NIPA1: variants seen among roughly 807,000 people sequenced by gnomAD.
NIPA1 encodes the protein magnesium transporter NIPA1.
A neutral mutation model predicts 23.9 loss-of-function variants in NIPA1; 13 were observed. That is an observed-to-expected ratio of 0.54 (90% CI 0.35 to 0.87). The LOEUF (loss-of-function observed/expected upper bound fraction) is 0.87. Ranked by LOEUF, NIPA1 falls within the 40% of genes least tolerant of loss-of-function variation. NIPA1 has a pLI of 0.01. For synonymous variants in NIPA1, 234 were observed against 202.9 expected, an observed-to-expected ratio of 1.15 and a Z score of -1.30; for missense variants, 362 against 429.7, an observed-to-expected ratio of 0.84 and a Z score of 1.39.
chr15:22,790,846 A>C (rs1894810673), intron 1 of NIPA1, among the ~76,000 whole-genome samples: 1 of 152,122 alleles, frequency 6.6e-6, no homozygotes, highest in Admixed American at 6.5e-5. Flanking sequence ...AAATGACAGA[A>C]ATAGAGGATG....
At chr15:22,809,265 T>C (rs141780682) in intron 1 of NIPA1, among the ~76,000 whole-genome samples, 1 of 152,176 alleles carries the variant, frequency 6.6e-6, no homozygotes, top group East Asian at 1.9e-4. Context: ...TGCACGCCTG[T>C]AATCCCAGCT....
At chr15:22,810,877 G>A in intron 2 of NIPA1, 81 bp downstream of exon 2, 1 of 1,076,436 alleles carries the variant, frequency 9.3e-7, no homozygotes, top group Non-Finnish European at 1.5e-6. Flanking sequence ...GAGTGGCTGG[G>A]CTAGGGTGGC....
intron 1 of NIPA1, among the ~76,000 whole-genome samples, chr15:22,790,966 A>C (rs1224016111): frequency 6.6e-6 from 1 of 152,110 alleles, no homozygotes; most frequent in East Asian, 1.9e-4. Flanking sequence ...CTGAAATTTT[A>C]AGCTTTAAAA....
intron 3 of NIPA1, chr15:22,813,843 C>G: frequency 2.6e-6 from 1 of 387,162 alleles, no homozygotes; most frequent in Non-Finnish European, 5.3e-6. Context: ...TCGGATGGCT[C>G]TGAGGCGCTG....
rs550050068 is a variant in NIPA1, at chr15:22,806,565, G to A, written c.179-4184G>A. The stretch of plus-strand genomic sequence containing the variant: ...GCAGCTCCCTGTTGTTGCTGAGGCC[G>A]GAGGACCTGCAGATTAATAGAGGAC... On this transcript the variant is annotated intron_variant, in intron 1 of 4. Transcript: ENST00000337435. 3.7e-5 allele frequency among the ~76,000 whole-genome samples: 3 copies of A among 80,238 alleles called. 1 individual carries two copies. The highest frequency in any genetic ancestry group is 1.1e-3 in the East Asian group (1 of 924). 52.6% of individuals were successfully genotyped at this position (80,238 alleles called of 152,430 possible).
At chr15:22,802,341 G>A (rs1595635598) in intron 1 of NIPA1, among the ~76,000 whole-genome samples, 1 of 146,054 alleles carries the variant, frequency 6.8e-6, no homozygotes, top group Non-Finnish European at 1.5e-5. Context: ...GTGGTGAGCC[G>A]AGATCACGCC....
At chr15:22,806,374 AGTTTAGCTGTTAT>A (rs764274532) in intron 1 of NIPA1, among the ~76,000 whole-genome samples, 1 of 152,160 alleles carries the variant, frequency 6.6e-6, no homozygotes, top group Non-Finnish European at 1.5e-5. Context: ...TTTGTTTTAT[AGTTTAGCTGTTAT>A]AAACAGCTAT....
chr15:22,790,273 G>C (rs1821647958), intron 1 of NIPA1, among the ~76,000 whole-genome samples: 1 of 152,112 alleles, frequency 6.6e-6, no homozygotes. Flanking sequence ...GATAGACATA[G>C]AGTCTTGTTT....
chr15:22,812,268 T>G lies in NIPA1; in HGVS notation c.317+15T>G. ...GTACCGTTCGGGTGAGAGCCAAGAT[T>G]GTGTTTGGTATTTAATGTGTAGTGT... On this transcript the variant is annotated intron_variant, in intron 3 of 4. Transcript: ENST00000337435. 1 of 1,580,382 alleles carries G rather than the reference T, an allele frequency of 6.3e-7. No homozygotes were observed. The highest frequency in any genetic ancestry group is 8.7e-7 in the Non-Finnish European group (1 of 1,149,402).
At chr15:22,823,598 C>T in intron 4 of NIPA1, 130 bp from the exon 5 acceptor site, 2 of 855,192 alleles carry the variant, frequency 2.3e-6, no homozygotes, top group African/African-American at 1.7e-5. Context: ...CCACATGCTC[C>T]CCAGGGCTGT....
intron 4 of NIPA1, among the ~76,000 whole-genome samples, chr15:22,820,796 G>A (rs987517903): frequency 7.9e-5 from 12 of 152,010 alleles, no homozygotes; most frequent in South Asian, 2.1e-4. Context: ...ACCCTCCCAA[G>A]TCTGACTGCC....
intron 3 of NIPA1, among the ~76,000 whole-genome samples, chr15:22,820,026 T>G (rs1489499655): frequency 2.0e-5 from 3 of 152,092 alleles, no homozygotes; most frequent in Non-Finnish European, 4.4e-5. Flanking sequence ...AGACCCAGTC[T>G]CTACACAAAA....
intron 1 of NIPA1, among the ~76,000 whole-genome samples, chr15:22,803,756 T>C (rs1014276496): frequency 1.0e-4 from 15 of 145,196 alleles, no homozygotes; most frequent in African/African-American, 3.6e-4. Flanking sequence ...CTCAGCTCAC[T>C]GCAGACTCTG....
chr15:22,787,279 G>A (rs1894728751), intron 1 of NIPA1, among the ~76,000 whole-genome samples: 1 of 152,142 alleles, frequency 6.6e-6, no homozygotes, highest in African/African-American at 2.4e-5. Flanking sequence ...TGGAAGCGCC[G>A]CTTCAGCCGA....
Position 22,824,354 on chromosome 15 carries a change from T to C in NIPA1, c.*115T>C, listed in dbSNP as rs1895607241. ...CATGGTGTTAGAATTGACTGGATAG[T>C]AACAGGTGGTCTGGTGGATAGCGGG... is the stretch of plus-strand genomic sequence containing the variant. On this transcript the variant is annotated 3_prime_UTR_variant, in exon 5 of 5. Coordinates refer to ENST00000337435, the MANE Select transcript of NIPA1 (RefSeq NM_144599.5). The surrounding 1 kb of genome is among the most constrained non-coding windows in gnomAD (Gnocchi z 4.1). 1 of 957,354 alleles carries C rather than the reference T, an allele frequency of 1.0e-6. No homozygotes were observed. The highest frequency in any genetic ancestry group is 1.6e-5 in the African/African-American group (1 of 62,636). The allele number at this position is 957,354 out of a possible 1,614,324, so 59.3% of individuals were successfully genotyped here. A position where few individuals can be genotyped will look rare whatever the true frequency, so the allele number is the denominator to read the frequency against.
At chr15:22,808,086 GC>G (rs1210112611) in intron 1 of NIPA1, among the ~76,000 whole-genome samples, 12 of 152,046 alleles carry the variant, frequency 7.9e-5, no homozygotes, top group African/African-American at 2.9e-4. Flanking sequence ...ACTGCACCCG[GC>G]CCACTTTGTT....
intron 1 of NIPA1, among the ~76,000 whole-genome samples, chr15:22,809,475 G>A (rs1048853353): frequency 8.5e-5 from 13 of 152,214 alleles, no homozygotes; most frequent in African/African-American, 2.6e-4. Context: ...CAGGCCAGGC[G>A]TGCTGCACAC....
At position 22,824,482 on chromosome 15, in the gene NIPA1, T is replaced by A. The variant is rs942389246; in HGVS notation, c.*243T>A. The A allele has an allele frequency of 2.1e-5, 11 of 517,060 alleles. No homozygotes were observed. Among genetic ancestry groups the A allele is most frequent in the Non-Finnish European group, 3.8e-5 (11 of 288,472 alleles). The allele number at this position is 517,060 out of a possible 1,614,324, so 32.0% of individuals were successfully genotyped here. The stretch of plus-strand genomic sequence containing the variant: ...TCTCTCTCTGATGAGACGAATCTCA[T>A]TTTCATTTCCATTAACCTGGAAGCT... On this transcript the variant is annotated 3_prime_UTR_variant, in exon 5 of 5. Coordinates refer to ENST00000337435, the MANE Select transcript of NIPA1 (RefSeq NM_144599.5). This position sits in a 1 kb window ranked among gnomAD's most constrained non-coding sequence, Gnocchi z 4.1.
chr15:22,802,932 C>G (rs772248578), intron 1 of NIPA1, among the ~76,000 whole-genome samples: 6 of 151,972 alleles, frequency 3.9e-5, no homozygotes, highest in Non-Finnish European at 5.9e-5. Context: ...GTTTACATAT[C>G]CATTCTCCTG....
Sources: gnomAD v4.1 joint callset for allele counts (sites outside exome capture counted in the v4.1 genomes callset) on GRCh38, gnomAD v4.1.1 for gene constraint, Gnocchi (gnomAD v3.1) non-coding constraint, MANE v1.5 for transcripts, NCBI Gene and HGNC (gene_info 2026-07-23, HGNC 2026-07-21) for gene names.